TMTC2: variants seen among roughly 807,000 people sequenced by gnomAD.
The protein encoded by TMTC2 is transmembrane O-mannosyltransferase targeting cadherins 2, also known as protein O-mannosyl-transferase TMTC2.
Under a neutral mutation model 82.4 loss-of-function variants are expected in TMTC2, and 43 were observed. The observed-to-expected ratio is 0.52, with a 90% CI of 0.41 to 0.67. TMTC2 has a LOEUF of 0.67. TMTC2 is among the 30% of genes least tolerant of loss of function. The pLI is 0.00. For missense variants in TMTC2, 919 were observed against 1,012.4 expected, an observed-to-expected ratio of 0.91 and a Z score of 1.25; for synonymous variants, 408 against 381.9, an observed-to-expected ratio of 1.07 and a Z score of -0.80.
At chr12:82,788,391 A>G (rs1037589197) in intron 1 of TMTC2, among the ~76,000 whole-genome samples, 4 of 152,106 alleles carry the variant, frequency 2.6e-5, no homozygotes, top group African/African-American at 9.7e-5. Context: ...TTGAATTTAG[A>G]TGGCACAAAT....
intron 1 of TMTC2, among the ~76,000 whole-genome samples, chr12:82,695,561 G>T (rs1453854351): frequency 6.6e-6 from 1 of 152,156 alleles, no homozygotes; most frequent in Non-Finnish European, 1.5e-5. Context: ...TTTCCAATTT[G>T]TTCCACAATG....
At chr12:82,765,093 G>A (rs930535638) in intron 1 of TMTC2, among the ~76,000 whole-genome samples, 1 of 152,054 alleles carries the variant, frequency 6.6e-6, no homozygotes, top group African/African-American at 2.4e-5. Context: ...GGCAAAATAT[G>A]GGGGAGGCAT....
rs375323856 is a variant in TMTC2, at chr12:82,783,413, G to T, written c.84-73597G>T. ...TCTTGTCTCCTTCTCATATAAAAAG[G>T]GGTTGGCTGGAGGCAAACCTTCCCT... On this transcript the variant is annotated intron_variant, in intron 1 of 11. Coordinates refer to ENST00000321196, the MANE Select transcript of TMTC2 (RefSeq NM_152588.3). 2.0e-4 allele frequency among the ~76,000 whole-genome samples: 30 copies of T among 151,834 alleles called. No individual in the cohort carries two copies. In the East Asian group the frequency reaches 5.2e-3, roughly 27 times the overall value.
intron 8 of TMTC2, among the ~76,000 whole-genome samples, chr12:82,997,175 T>TCTCTCTCCCAC (rs150688624): frequency 8.7e-6 from 1 of 114,512 alleles, no homozygotes; most frequent in Non-Finnish European, 1.7e-5. Context: ...TCTCTCTCTC[T>TCTCTCTCCCAC]CCCACCCCTC....
intron 1 of TMTC2, among the ~76,000 whole-genome samples, chr12:82,819,541 G>C (rs1000853148): frequency 8.5e-6 from 1 of 117,522 alleles, no homozygotes; most frequent in Non-Finnish European, 1.6e-5. Flanking sequence ...CGCTCTCGTT[G>C]CCCAGGCTGG....
intron 2 of TMTC2, among the ~76,000 whole-genome samples, chr12:82,871,681 C>CTGTGTGTGTGTGTGTGTGTGTGTG (rs10662218): frequency 2.1e-5 from 3 of 142,104 alleles, no homozygotes; most frequent in African/African-American, 7.8e-5. Flanking sequence ...CTCTGCTCAT[C>CTGTGTGTGTGTGTGTGTGTGTGTG]TGTGTGTGTG....
chr12:83,128,812 C>T (rs1053296514), intron 11 of TMTC2, among the ~76,000 whole-genome samples: 2 of 152,144 alleles, frequency 1.3e-5, no homozygotes, highest in Admixed American at 1.3e-4. Context: ...TTCCCTAGCA[C>T]AGATGTAGAG....
chr12:83,039,261 A>G (rs1208205712), intron 9 of TMTC2, among the ~76,000 whole-genome samples: 1 of 152,100 alleles, frequency 6.6e-6, no homozygotes, highest in Non-Finnish European at 1.5e-5. Flanking sequence ...CTATTGTTCA[A>G]GTAGATAGCA....
rs148774411 is a variant in TMTC2 at position 82,925,117 on chromosome 12, G to A, written c.1484-5314G>A. Among the ~76,000 whole-genome samples the A allele has an allele frequency of 8.0e-4, 122 of 152,272 alleles. 1 individual carries two copies. Among genetic ancestry groups the A allele is most frequent in the South Asian group, 3.1e-3 (15 of 4,822 alleles). The stretch of plus-strand genomic sequence containing the variant: ...CTTGCTCCTTATCCTTTAGCTCGTA[G>A]AGATCATACCTATTTTCCTAAATCT... On this transcript the variant is annotated intron_variant, in intron 3 of 11. Coordinates refer to ENST00000321196, the MANE Select transcript of TMTC2 (RefSeq NM_152588.3).
chr12:82,935,948 G>A (rs1265933080), intron 4 of TMTC2, among the ~76,000 whole-genome samples: 1 of 152,056 alleles, frequency 6.6e-6, no homozygotes, highest in Non-Finnish European at 1.5e-5. Flanking sequence ...GAAACAATAG[G>A]AAGTAATGCA....
intron 1 of TMTC2, among the ~76,000 whole-genome samples, chr12:82,816,192 G>C (rs1400266109): frequency 6.7e-6 from 1 of 149,678 alleles, no homozygotes; most frequent in Non-Finnish European, 1.5e-5. Context: ...AACAGTGAAG[G>C]TTCCTATTTA....
intron 8 of TMTC2, among the ~76,000 whole-genome samples, chr12:83,018,218 C>G (rs1880765063): frequency 6.6e-6 from 1 of 152,102 alleles, no homozygotes; most frequent in African/African-American, 2.4e-5. Flanking sequence ...ATTTCTAGCT[C>G]TCCTTTGTGA....
intron 4 of TMTC2, among the ~76,000 whole-genome samples, chr12:82,939,323 C>G (rs1876575953): frequency 6.6e-6 from 1 of 152,006 alleles, no homozygotes; most frequent in Admixed American, 6.6e-5. Flanking sequence ...TTTAACATAT[C>G]ACTTTTACTT....
At chr12:82,748,126 G>C (rs983830461) in intron 1 of TMTC2, among the ~76,000 whole-genome samples, 1 of 151,908 alleles carries the variant, frequency 6.6e-6, no homozygotes, top group Non-Finnish European at 1.5e-5. Context: ...CTGGCTAACA[G>C]GGTGAAACCC....
At position 82,928,605 on chromosome 12, in the gene TMTC2, G is replaced by C. The variant is rs189808659; in HGVS notation, c.1484-1826G>C. On this transcript the variant is annotated intron_variant, in intron 3 of 11. Coordinates refer to ENST00000321196, the MANE Select transcript of TMTC2 (RefSeq NM_152588.3). Reference sequence around the variant, plus strand: ...TGCAGTGAAAGATGAAATGTGGTATGAAAATGTTAGGCAGAGGGGAGAAAA... The same window carrying C: ...TGCAGTGAAAGATGAAATGTGGTATCAAAATGTTAGGCAGAGGGGAGAAAA... Among the ~76,000 whole-genome samples the C allele has an allele frequency of 4.5e-4, 69 of 152,328 alleles. No individual in the cohort carries two copies. In the South Asian group the frequency reaches 0.012, roughly 26 times the overall value.
chr12:82,838,918 C>T, intron 1 of TMTC2, among the ~76,000 whole-genome samples: 1 of 151,824 alleles, frequency 6.6e-6, no homozygotes, highest in East Asian at 1.9e-4. Context: ...TGCATATTCT[C>T]AGTCCAAGCC....
intron 8 of TMTC2, among the ~76,000 whole-genome samples, chr12:83,001,792 T>G (rs573074843): frequency 6.6e-6 from 1 of 152,206 alleles, no homozygotes; most frequent in Admixed American, 6.5e-5. Flanking sequence ...TTGTTCCAGT[T>G]CCCAACAAGT....
intron 1 of TMTC2, among the ~76,000 whole-genome samples, chr12:82,834,381 C>A (rs768207470): frequency 6.6e-6 from 1 of 152,162 alleles, no homozygotes; most frequent in Non-Finnish European, 1.5e-5. Flanking sequence ...AACTCTATAA[C>A]CTCTGTTTGT....
intron 1 of TMTC2, among the ~76,000 whole-genome samples, chr12:82,739,150 A>C (rs1479381577): frequency 6.9e-6 from 1 of 145,358 alleles, no homozygotes; most frequent in Non-Finnish European, 1.5e-5. Flanking sequence ...TCTGTCTTAA[A>C]AAAAAAAAAA....
Sources: gnomAD v4.1 joint callset for allele counts (sites outside exome capture counted in the v4.1 genomes callset) on GRCh38, gnomAD v4.1.1 for gene constraint, MANE v1.5 for transcripts, NCBI Gene and HGNC (gene_info 2026-07-23, HGNC 2026-07-21) for gene names.